SYNPO2: variants seen among roughly 807,000 people sequenced by gnomAD.
SYNPO2 encodes the protein synaptopodin-2.
Under a neutral mutation model 85.0 loss-of-function variants are expected in SYNPO2, and 56 were observed. The observed-to-expected ratio is 0.66, with a 90% CI of 0.53 to 0.82. SYNPO2 has a LOEUF of 0.82. SYNPO2 is among the 40% of genes least tolerant of loss of function. The pLI, the probability that SYNPO2 is intolerant of heterozygous loss-of-function variation, is 0.00. For synonymous variants in SYNPO2, 602 were observed against 591.1 expected (o/e 1.02, Z -0.27); for missense variants, 1,575 against 1,534.2 (o/e 1.03, Z -0.44).
intron 1 of SYNPO2, among the ~76,000 whole-genome samples, chr4:118,972,443 C>CA (rs1264327142): frequency 1.6e-3 from 238 of 149,682 alleles, no homozygotes; most frequent in African/African-American, 5.4e-3. Context: ...GACCCTGTCT[C>CA]AAAAAAAAAG....
rs751705732 is a variant in SYNPO2, at chr4:119,026,584, C to T, written c.258-43C>T. The T allele has an allele frequency of 3.3e-6, 5 of 1,532,974 alleles. No homozygotes were observed. In the South Asian group the frequency reaches 5.2e-5, roughly 16 times the overall value. The allele number at this position is 1,532,974 out of a possible 1,614,324, so 95.0% of individuals were successfully genotyped here. A position where few individuals can be genotyped will look rare whatever the true frequency, so the allele number is the denominator to read the frequency against. On this transcript the variant is annotated intron_variant, in intron 2 of 4. Transcript: ENST00000307142. ...TCAGGAAGTTCTTTGGCAGATGTAA[C>T]ATAGTCTGATTTAAGTGTCTGGAAT...
intron 1 of SYNPO2, among the ~76,000 whole-genome samples, chr4:118,976,046 C>T (rs1365031379): frequency 6.6e-6 from 1 of 152,148 alleles, no homozygotes; most frequent in Non-Finnish European, 1.5e-5. Flanking sequence ...TCTTTCTTGC[C>T]CAATAACTGG....
At chr4:119,016,171 T>C (rs1330691725) in intron 1 of SYNPO2, among the ~76,000 whole-genome samples, 1 of 152,308 alleles carries the variant, frequency 6.6e-6, no homozygotes, top group East Asian at 1.9e-4. Flanking sequence ...ATTAGCATGT[T>C]AATTTCTCAG....
At chr4:119,045,124 G>A (rs1695141618) in intron 4 of SYNPO2, among the ~76,000 whole-genome samples, 1 of 152,076 alleles carries the variant, frequency 6.6e-6, no homozygotes, top group Non-Finnish European at 1.5e-5. Flanking sequence ...AAAGCAAAAG[G>A]CATTTTAATT....
intron 1 of SYNPO2, among the ~76,000 whole-genome samples, chr4:118,930,544 T>C (rs1453437897): frequency 6.6e-6 from 1 of 152,082 alleles, no homozygotes; most frequent in Non-Finnish European, 1.5e-5. Context: ...GGGCAGTGCC[T>C]GTAATCTAGC....
chr4:118,888,698 T>C, upstream of SYNPO2: 1 of 322,346 alleles, frequency 3.1e-6, no homozygotes, highest in Non-Finnish European at 5.8e-6. Context: ...TCCGTCCTCC[T>C]TTCCCTTATC....
intron 1 of SYNPO2, among the ~76,000 whole-genome samples, chr4:118,927,315 G>A (rs1273845365): frequency 6.6e-6 from 1 of 152,054 alleles, no homozygotes; most frequent in African/African-American, 2.4e-5. Flanking sequence ...TTCATTGACT[G>A]TAGCTGCTGA....
chr4:118,943,228 A>T (rs1245520070), intron 1 of SYNPO2, among the ~76,000 whole-genome samples: 1 of 152,236 alleles, frequency 6.6e-6, no homozygotes, highest in African/African-American at 2.4e-5. Context: ...TTCTCCATGA[A>T]GCAATTACAA....
At chr4:118,928,057 C>G (rs1019695011) in intron 1 of SYNPO2, among the ~76,000 whole-genome samples, 10 of 152,152 alleles carry the variant, frequency 6.6e-5, no homozygotes, top group Admixed American at 2.6e-4. Flanking sequence ...CTGCTTGGCT[C>G]CCATCACAGG....
At chr4:118,858,314 T>G (rs1389087420) in intron 1 of SYNPO2, among the ~76,000 whole-genome samples, 1 of 152,040 alleles carries the variant, frequency 6.6e-6, no homozygotes, top group Non-Finnish European at 1.5e-5. Flanking sequence ...TGTGAGGGAG[T>G]CTTGAAAATA....
chr4:118,883,620 CAT>C (rs1194457849), intron 1 of SYNPO2, among the ~76,000 whole-genome samples: 1 of 151,992 alleles, frequency 6.6e-6, no homozygotes, highest in Non-Finnish European at 1.5e-5. Flanking sequence ...AATCATTTAA[CAT>C]AGATTTAACA....
At chr4:119,050,669 A>C (rs980079646) in intron 4 of SYNPO2, among the ~76,000 whole-genome samples, 1 of 152,216 alleles carries the variant, frequency 6.6e-6, no homozygotes, top group African/African-American at 2.4e-5. Context: ...CTTAGTGTTA[A>C]GCCCTTTTGT....
intron 4 of SYNPO2, among the ~76,000 whole-genome samples, chr4:119,049,734 G>T (rs1003620878): frequency 8.3e-4 from 126 of 152,324 alleles, no homozygotes; most frequent in African/African-American, 2.9e-3. Flanking sequence ...AAGCTGTGTG[G>T]ATAAACCAAC....
intron 1 of SYNPO2, among the ~76,000 whole-genome samples, chr4:118,993,372 G>T (rs1408143381): frequency 6.6e-6 from 1 of 152,190 alleles, no homozygotes; most frequent in East Asian, 1.9e-4. Flanking sequence ...AATTTATTTG[G>T]AAACCTTTTC....
intron 1 of SYNPO2, among the ~76,000 whole-genome samples, chr4:118,898,255 C>T (rs1002899969): frequency 3.9e-5 from 6 of 152,148 alleles, no homozygotes; most frequent in Admixed American, 3.9e-4. Context: ...TACTGATTTT[C>T]TACCTCCTCA....
chr4:118,986,312 C>A (rs1044615849), intron 1 of SYNPO2, among the ~76,000 whole-genome samples: 14 of 152,208 alleles, frequency 9.2e-5, no homozygotes, highest in Non-Finnish European at 4.4e-5. Flanking sequence ...CATGAATGTA[C>A]AACTCAGTAA....
chr4:118,850,736 GAGA>G (rs1171019576), exon 1 of SYNPO2: 1 of 398,538 alleles, frequency 2.5e-6, no homozygotes, highest in Non-Finnish European at 4.4e-6. Flanking sequence ...GAGCTCAGGA[GAGA>G]AGGTGAAGTA....
intron 1 of SYNPO2, among the ~76,000 whole-genome samples, chr4:118,855,392 A>T (rs373152568): frequency 1.3e-5 from 2 of 152,166 alleles, no homozygotes; most frequent in African/African-American, 4.8e-5. Flanking sequence ...AGGCAAAAAG[A>T]CAGTAATTGT....
chr4:119,054,577 T>A (rs1008000322), intron 4 of SYNPO2, among the ~76,000 whole-genome samples: 1 of 152,166 alleles, frequency 6.6e-6, no homozygotes, highest in Non-Finnish European at 1.5e-5. Flanking sequence ...TCCCTCGAAG[T>A]CCAGCTGTCT....
Sources: allele counts gnomAD v4.1 joint callset (sites outside exome capture counted in the v4.1 genomes callset), GRCh38; gene constraint gnomAD v4.1.1; transcripts MANE v1.5; gene names NCBI Gene and HGNC (gene_info 2026-07-23, HGNC 2026-07-21).